UBE2E2: variants seen among roughly 807,000 people sequenced by gnomAD.
UBE2E2 encodes the protein ubiquitin conjugating enzyme E2 E2.
UBE2E2 carries 6 observed loss-of-function variants against 24.7 expected under a neutral mutation model. That is an observed-to-expected ratio of 0.24 (90% CI 0.13 to 0.48). The LOEUF (loss-of-function observed/expected upper bound fraction) is 0.48, where lower values mean the gene tolerates loss of function less well. Ranked by LOEUF, UBE2E2 falls within the 20% of genes least tolerant of loss-of-function variation. UBE2E2 has a pLI of 0.99. For missense variants in UBE2E2, 169 were observed against 245.0 expected (o/e 0.69, Z 2.07); for synonymous variants, 104 against 83.6 (o/e 1.24, Z -1.33).
intron 3 of UBE2E2, among the ~76,000 whole-genome samples, chr3:23,401,848 C>CTTTT (rs35903137): frequency 2.6e-3 from 178 of 67,690 alleles, no homozygotes; most frequent in Non-Finnish European, 3.0e-3. Context: ...TGCCTGGCTA[C>CTTTT]TTTTTTTTTT....
chr3:23,565,938 T>C (rs1696063467), intron 5 of UBE2E2, among the ~76,000 whole-genome samples: 1 of 152,196 alleles, frequency 6.6e-6, no homozygotes, highest in African/African-American at 2.4e-5. Flanking sequence ...AATGACAATG[T>C]AGACTAAATT....
At chr3:23,404,751 G>A (rs1322592140) in intron 3 of UBE2E2, among the ~76,000 whole-genome samples, 1 of 152,096 alleles carries the variant, frequency 6.6e-6, no homozygotes, top group Non-Finnish European at 1.5e-5. Context: ...GCTAACTGTA[G>A]CGTTTAAATA....
intron 3 of UBE2E2, among the ~76,000 whole-genome samples, chr3:23,352,892 G>A (rs556389239): frequency 3.3e-5 from 5 of 152,294 alleles, no homozygotes; most frequent in South Asian, 2.1e-4. Context: ...TATAAGGCCA[G>A]CATCATCCTG....
chr3:23,249,208 G>A (rs904177508), intron 3 of UBE2E2, among the ~76,000 whole-genome samples: 2 of 150,836 alleles, frequency 1.3e-5, no homozygotes, highest in African/African-American at 4.9e-5. Flanking sequence ...GGAGGCGGAA[G>A]TTTCAGTGAG....
At chr3:23,210,828 A>G (rs771955672) in intron 2 of UBE2E2, among the ~76,000 whole-genome samples, 2 of 152,154 alleles carry the variant, frequency 1.3e-5, no homozygotes, top group Non-Finnish European at 2.9e-5. Context: ...GTGGTTCATG[A>G]TCTTCCTCTA....
At chr3:23,483,373 G>C (rs992797976) in intron 3 of UBE2E2, among the ~76,000 whole-genome samples, 1 of 152,208 alleles carries the variant, frequency 6.6e-6, no homozygotes, top group African/African-American at 2.4e-5. Flanking sequence ...CTCTTTGCCA[G>C]ACACTACATT....
intron 3 of UBE2E2, among the ~76,000 whole-genome samples, chr3:23,463,219 G>C (rs1698849269): frequency 6.6e-6 from 1 of 151,870 alleles, no homozygotes; most frequent in Non-Finnish European, 1.5e-5. Context: ...TCTAGTAAGG[G>C]TGTTAAAAGA....
At chr3:23,556,056 G>A (rs572438779) in intron 5 of UBE2E2, among the ~76,000 whole-genome samples, 28 of 150,886 alleles carry the variant, frequency 1.9e-4, no homozygotes, top group Non-Finnish European at 3.7e-4. Context: ...TAGGTGATGG[G>A]TATGTTAATT....
chr3:23,256,851 C>T (rs749836217), intron 3 of UBE2E2, among the ~76,000 whole-genome samples: 10 of 152,218 alleles, frequency 6.6e-5, no homozygotes, highest in Non-Finnish European at 1.0e-4. Context: ...ATTCCATTTT[C>T]TTCTCCCTGA....
At chr3:23,264,547 C>A (rs1272748935) in intron 3 of UBE2E2, among the ~76,000 whole-genome samples, 1 of 152,070 alleles carries the variant, frequency 6.6e-6, no homozygotes, top group South Asian at 2.1e-4. Flanking sequence ...GGGACTGCCT[C>A]TTTTGATCCC....
intron 3 of UBE2E2, among the ~76,000 whole-genome samples, chr3:23,378,881 G>A (rs919314756): frequency 2.0e-5 from 3 of 152,020 alleles, no homozygotes; most frequent in African/African-American, 7.3e-5. Context: ...ATTTTTACTT[G>A]AGAGAAAAAT....
chr3:23,400,607 A>AACACACACACACACACACACACATACTC (rs1553608461), intron 3 of UBE2E2, among the ~76,000 whole-genome samples: 3 of 137,726 alleles, frequency 2.2e-5, no homozygotes, highest in African/African-American at 7.7e-5. Context: ...GAATAAATGA[A>AACACACACACACACACACACACATACTC]ACACACACAC....
Position 23,411,860 on chromosome 3 carries a change from T to C in UBE2E2, c.228-87748T>C, listed in dbSNP as rs187093132. On this transcript the variant is annotated intron_variant, in intron 3 of 5. Coordinates refer to ENST00000396703, the MANE Select transcript of UBE2E2 (RefSeq NM_152653.4). ...GTTATAATTATTATGTGTGATGATT[T>C]GGTCAGTTTATGAAGATCTTTGACA... 7.9e-5 allele frequency among the ~76,000 whole-genome samples: 12 copies of C among 152,342 alleles called. 1 individual carries two copies. The highest frequency in any genetic ancestry group is 5.2e-4 in the Admixed American group (8 of 15,300).
At chr3:23,306,228 C>G (rs1209166505) in intron 3 of UBE2E2, among the ~76,000 whole-genome samples, 4 of 152,162 alleles carry the variant, frequency 2.6e-5, no homozygotes, top group Non-Finnish European at 5.9e-5. Context: ...TAAGTCTATT[C>G]TGTTATTTGA....
intron 4 of UBE2E2, among the ~76,000 whole-genome samples, chr3:23,522,999 T>TA (rs1475377627): frequency 1.3e-5 from 2 of 151,418 alleles, no homozygotes; most frequent in Admixed American, 6.6e-5. Context: ...TTCTGAAACT[T>TA]AAAAAAACAG....
At chr3:23,429,830 A>G (rs755620046) in intron 3 of UBE2E2, among the ~76,000 whole-genome samples, 29 of 152,362 alleles carry the variant, frequency 1.9e-4, no homozygotes, top group East Asian at 1.2e-3. Context: ...ATTGCAGTAT[A>G]CAAGATTAAT....
At chr3:23,242,567 G>C (rs2125339145) in intron 3 of UBE2E2, among the ~76,000 whole-genome samples, 1 of 152,046 alleles carries the variant, frequency 6.6e-6, no homozygotes, top group South Asian at 2.1e-4. Context: ...GAATCTGTAG[G>C]ATTTAGATGA....
At chr3:23,510,577 A>G (rs1022971634) in intron 4 of UBE2E2, among the ~76,000 whole-genome samples, 2 of 152,172 alleles carry the variant, frequency 1.3e-5, no homozygotes, top group African/African-American at 2.4e-5. Flanking sequence ...ACTGCACTCC[A>G]GCCTGGGTGA....
chr3:23,506,527 T>C (rs568540951), intron 4 of UBE2E2, among the ~76,000 whole-genome samples: 3 of 152,332 alleles, frequency 2.0e-5, no homozygotes, highest in Non-Finnish European at 2.9e-5. Flanking sequence ...TTTCTCACCA[T>C]CTTTCCCTAG....
Sources: allele counts gnomAD v4.1 joint callset (sites outside exome capture counted in the v4.1 genomes callset), GRCh38; gene constraint gnomAD v4.1.1; transcripts MANE v1.5; gene names NCBI Gene and HGNC (gene_info 2026-07-23, HGNC 2026-07-21).